Variants in ANK2 observed in about 807,000 individuals in gnomAD.
ANK2 encodes ankyrin 2.
ANK2 carries 83 observed loss-of-function variants against 360.5 expected under a neutral mutation model. The observed-to-expected ratio is 0.23, with a 90% CI of 0.19 to 0.28. ANK2 has a LOEUF of 0.28. Ranked by LOEUF, ANK2 falls within the 10% of genes least tolerant of loss-of-function variation. The pLI is 1.00. For synonymous variants in ANK2, 1,740 were observed against 1,759.5 expected (o/e 0.99, Z 0.28); for missense variants, 4,201 against 4,795.7 (o/e 0.88, Z 3.66).
Position 113,358,631 on chromosome 4 carries a change from A to C in ANK2, c.10013A>C (p.Lys3338Thr). The C allele has an allele frequency of 1.2e-6, 2 of 1,611,622 alleles. No individual in the cohort carries two copies. The highest frequency in any genetic ancestry group is 1.7e-6 in the Non-Finnish European group (2 of 1,179,028). Residue 3338 changes from lysine to threonine, a missense_variant, in exon 38 of 46, where the codon AAG becomes ACG. Physicochemically the swap from Lys to Thr is moderately conservative, Grantham distance 78 (BLOSUM62 -1). Coordinates refer to ENST00000357077, the MANE Select transcript of ANK2 (RefSeq NM_001148.6). Reference protein sequence around the residue: ...DFLSSVDEENKADEAKPKSKL... With the variant: ...DFLSSVDEENTADEAKPKSKL... ...CTATCCAGTGTAGATGAGGAAAATA[A>C]GGCGGATGAAGCAAAACCAAAGTCC... is the stretch of plus-strand genomic sequence containing the variant.
the ANK2 span, among the ~76,000 whole-genome samples, chr4:112,787,493 G>GAA: frequency 6.6e-6 from 1 of 152,174 alleles, no homozygotes; most frequent in South Asian, 2.1e-4. Flanking sequence ...TTCTTAGGGG[G>GAA]TTGCTCTCTT....
intron 2 of ANK2, among the ~76,000 whole-genome samples, chr4:113,022,972 A>G (rs1430028528): frequency 6.6e-6 from 1 of 152,082 alleles, no homozygotes; most frequent in Non-Finnish European, 1.5e-5. Flanking sequence ...GGAGTGTCTA[A>G]TAGTCAAAAA....
chr4:113,124,163 A>G (rs554969183), intron 1 of ANK2, among the ~76,000 whole-genome samples: 4 of 152,318 alleles, frequency 2.6e-5, no homozygotes, highest in South Asian at 2.1e-4. Flanking sequence ...TTGTGAATTT[A>G]AAATTATGTC....
chr4:112,707,724 ATG>A, the ANK2 span, among the ~76,000 whole-genome samples: 3 of 152,254 alleles, frequency 2.0e-5, no homozygotes, highest in East Asian at 3.8e-4. Context: ...TAAACAGAAT[ATG>A]TGCACTCAGA....
chr4:113,381,023 G>T (rs1217668756), intron 45 of ANK2, among the ~76,000 whole-genome samples: 1 of 152,188 alleles, frequency 6.6e-6, no homozygotes, highest in Non-Finnish European at 1.5e-5. Context: ...TAAGCTGGCA[G>T]CCAAGGTGTT....
At chr4:113,085,200 T>G (rs1298175128) in intron 1 of ANK2, among the ~76,000 whole-genome samples, 2 of 152,238 alleles carry the variant, frequency 1.3e-5, no homozygotes, top group African/African-American at 4.8e-5. Context: ...CGGATCAGCA[T>G]TACTGGTTTA....
chr4:112,713,484 G>A, the ANK2 span, among the ~76,000 whole-genome samples: 1 of 152,108 alleles, frequency 6.6e-6, no homozygotes, highest in Non-Finnish European at 1.5e-5. Flanking sequence ...CAGGAGAATC[G>A]CTTGAACCCT....
At position 113,261,760 on chromosome 4, in the gene ANK2, C is replaced by T. The variant is rs2053049808; in HGVS notation, c.1387-3137C>T. 2.0e-5 allele frequency among the ~76,000 whole-genome samples: 3 copies of T among 152,130 alleles called. No individual in the cohort carries two copies. The South Asian group carries it at 6.2e-4, about 32-fold the overall frequency. ...TAGTGCTTTAAATTAGATTCTATAT[C>T]TAACTCATCAATTTCAAGTGTGTAA... On this transcript the variant is annotated intron_variant, in intron 13 of 45. Transcript: ENST00000357077.
chr4:112,844,634 C>G (rs1579528475), intron 1 of ANK2, among the ~76,000 whole-genome samples: 1 of 152,094 alleles, frequency 6.6e-6, no homozygotes. Context: ...AAAGTTAAAT[C>G]AAAATAGGTA....
chr4:113,363,504 T>C, intron 40 of ANK2, 35 bp downstream of exon 40: 1 of 1,612,256 alleles, frequency 6.2e-7, no homozygotes, highest in South Asian at 1.1e-5. Flanking sequence ...TGGGCTAAAG[T>C]TGGACATGTC....
In ANK2 at chr4:113,252,240, G is replaced by T. The variant is rs548296279; in HGVS notation, c.990+2378G>T. Reference sequence around the variant, plus strand: ...AGACTTATTCACTACCACGAGAATAGTTTGGGGGAATCCGCCCTCCTGATT... The same window carrying T: ...AGACTTATTCACTACCACGAGAATATTTTGGGGGAATCCGCCCTCCTGATT... On this transcript the variant is annotated intron_variant, in intron 10 of 45. Transcript: ENST00000357077. Among the ~76,000 whole-genome samples the T allele has an allele frequency of 3.3e-5, 5 of 152,302 alleles. No individual in the cohort carries two copies. The East Asian group carries it at 9.6e-4, about 29-fold the overall frequency.
chr4:113,093,146 T>C (rs1455214793), intron 1 of ANK2, among the ~76,000 whole-genome samples: 2 of 152,206 alleles, frequency 1.3e-5, no homozygotes, highest in East Asian at 3.8e-4. Context: ...CCAATTATTA[T>C]GCATACATTG....
chr4:113,231,306 C>T (rs2099300405), intron 4 of ANK2, among the ~76,000 whole-genome samples: 1 of 152,072 alleles, frequency 6.6e-6, no homozygotes, highest in Non-Finnish European at 1.5e-5. Flanking sequence ...CCCACCTCGA[C>T]CTCCCAAAGT....
upstream of ANK2, among the ~76,000 whole-genome samples, chr4:112,815,486 G>A (rs187695637): frequency 6.6e-6 from 1 of 152,226 alleles, no homozygotes; most frequent in Admixed American, 6.5e-5. Context: ...GGAGAGATTA[G>A]CATAATTTGC....
chr4:113,113,067 G>A (rs1158017597), intron 1 of ANK2, among the ~76,000 whole-genome samples: 1 of 152,022 alleles, frequency 6.6e-6, no homozygotes, highest in African/African-American at 2.4e-5. Context: ...TCCTTACCTC[G>A]ATCACTCATT....
chr4:113,185,878 A>G (rs1213460137), intron 2 of ANK2, among the ~76,000 whole-genome samples: 1 of 152,120 alleles, frequency 6.6e-6, no homozygotes, highest in African/African-American at 2.4e-5. Context: ...TCTTGAGTTG[A>G]TTTTTGATAA....
At chr4:112,713,526 G>A in the ANK2 span, among the ~76,000 whole-genome samples, 1 of 152,042 alleles carries the variant, frequency 6.6e-6, no homozygotes, top group Non-Finnish European at 1.5e-5. Context: ...CTGAGATCGC[G>A]CCATTGCACT....
At position 113,135,709 on chromosome 4, in the gene ANK2, C is replaced by T. The variant is rs575049521; in HGVS notation, c.85-38707C>T. 2.0e-5 allele frequency among the ~76,000 whole-genome samples: 3 copies of T among 152,170 alleles called. No homozygotes were observed. The East Asian group carries it at 5.8e-4, about 29-fold the overall frequency. Reference sequence around the variant, plus strand: ...ACAGTCTTACTCTTACCTCATGAACCATCTTGTGGTTCATGGCTACTGATG... The same window carrying T: ...ACAGTCTTACTCTTACCTCATGAACTATCTTGTGGTTCATGGCTACTGATG... On this transcript the variant is annotated intron_variant, in intron 1 of 45. Coordinates refer to ENST00000357077, the MANE Select transcript of ANK2 (RefSeq NM_001148.6).
chr4:112,854,397 C>G (rs1467220279), intron 1 of ANK2, among the ~76,000 whole-genome samples: 12 of 152,246 alleles, frequency 7.9e-5, no homozygotes, highest in Non-Finnish European at 1.5e-5. Flanking sequence ...GAGGAGGACA[C>G]TGAAGATAAT....
Sources: allele counts gnomAD v4.1 joint callset (sites outside exome capture counted in the v4.1 genomes callset), GRCh38; gene constraint gnomAD v4.1.1; transcripts MANE v1.5; gene names NCBI Gene and HGNC (gene_info 2026-07-23, HGNC 2026-07-21).